NUBPL: variants seen among roughly 807,000 people sequenced by gnomAD.
NUBPL encodes iron-sulfur cluster transfer protein NUBPL.
Under a neutral mutation model 45.7 loss-of-function variants are expected in NUBPL, and 31 were observed. The ratio of observed to expected loss-of-function variants is 0.68; its 90% confidence interval spans 0.51 to 0.92. NUBPL has a LOEUF of 0.92. Among genes scored for constraint, NUBPL ranks in the 40% least tolerant of loss-of-function variants. The pLI is 0.00. For synonymous variants in NUBPL, 144 were observed against 140.9 expected (o/e 1.02, Z -0.15); for missense variants, 401 against 398.7 (o/e 1.01, Z -0.05).
At chr14:31,694,704 C>T (rs963358280) in intron 6 of NUBPL, among the ~76,000 whole-genome samples, 4 of 152,044 alleles carry the variant, frequency 2.6e-5, no homozygotes, top group East Asian at 3.9e-4. Context: ...TTAGTAGAGA[C>T]GGGGTTTCAC....
At chr14:31,710,725 G>A (rs931379169) in intron 6 of NUBPL, among the ~76,000 whole-genome samples, 1 of 152,216 alleles carries the variant, frequency 6.6e-6, no homozygotes, top group Non-Finnish European at 1.5e-5. Context: ...AGGGTTGGAA[G>A]AGTGACACCT....
intron 7 of NUBPL, among the ~76,000 whole-genome samples, chr14:31,803,483 A>G (rs530473415): frequency 1.3e-5 from 2 of 152,288 alleles, no homozygotes; most frequent in South Asian, 4.1e-4. Context: ...TCTAAAAATA[A>G]CTTTGCACCT....
At chr14:31,809,066 G>A (rs2039748279) in intron 7 of NUBPL, among the ~76,000 whole-genome samples, 1 of 135,164 alleles carries the variant, frequency 7.4e-6, no homozygotes, top group South Asian at 2.6e-4. Context: ...AGGGATATTG[G>A]TCTAAAATTC....
intron 6 of NUBPL, among the ~76,000 whole-genome samples, chr14:31,693,920 A>T (rs924878906): frequency 7.8e-6 from 1 of 128,382 alleles, no homozygotes; most frequent in South Asian, 2.5e-4. Context: ...CAGTGGCGTG[A>T]TCTGGGCTCA....
At chr14:31,670,863 T>G (rs2139804007) in intron 4 of NUBPL, among the ~76,000 whole-genome samples, 1 of 152,350 alleles carries the variant, frequency 6.6e-6, no homozygotes, top group Non-Finnish European at 1.5e-5. Flanking sequence ...CATGCTGTTT[T>G]GGTTACGGTA....
chr14:31,563,156 G>T (rs113203028), intron 2 of NUBPL, among the ~76,000 whole-genome samples: 4 of 152,058 alleles, frequency 2.6e-5, no homozygotes, highest in Admixed American at 2.6e-4. Context: ...AAATTTAGAA[G>T]CTCTTAGTTT....
rs536474290 is a variant in NUBPL, at chr14:31,645,709, C to G, written c.383-27646C>G. Among the ~76,000 whole-genome samples the G allele has an allele frequency of 2.6e-5, 4 of 151,328 alleles. No homozygotes were observed. The South Asian group carries it at 6.3e-4, about 24-fold the overall frequency. On this transcript the variant is annotated intron_variant, in intron 4 of 10. Transcript: ENST00000281081. ...AGCTATTTTAGTGAGAGATTACAAC[C>G]TGGGTCAGATCACAAAGAAATAATA... is the stretch of plus-strand genomic sequence containing the variant.
At chr14:31,834,072 T>C (rs1392191618) in intron 8 of NUBPL, among the ~76,000 whole-genome samples, 2 of 152,088 alleles carry the variant, frequency 1.3e-5, no homozygotes, top group African/African-American at 4.8e-5. Flanking sequence ...TATTTTACTC[T>C]TACAAATATT....
At chr14:31,588,361 C>A (rs1048329850) in intron 3 of NUBPL, among the ~76,000 whole-genome samples, 1 of 152,116 alleles carries the variant, frequency 6.6e-6, no homozygotes, top group South Asian at 2.1e-4. Context: ...TTAAGTTTCA[C>A]AAATTTGCAG....
At chr14:31,706,345 A>T (rs1279241850) in intron 6 of NUBPL, among the ~76,000 whole-genome samples, 2 of 152,148 alleles carry the variant, frequency 1.3e-5, no homozygotes, top group Non-Finnish European at 2.9e-5. Flanking sequence ...AGTTGAGCTC[A>T]TTTGGGGTTC....
At chr14:31,678,243 C>G (rs2036747567) in intron 6 of NUBPL, among the ~76,000 whole-genome samples, 1 of 152,288 alleles carries the variant, frequency 6.6e-6, no homozygotes, top group Non-Finnish European at 1.5e-5. Flanking sequence ...AAATGCCATC[C>G]AAGAGCCAAG....
chr14:31,818,770 G>A (rs886149744), intron 7 of NUBPL, among the ~76,000 whole-genome samples: 2 of 152,242 alleles, frequency 1.3e-5, no homozygotes, highest in East Asian at 1.9e-4. Context: ...GGATGGTCTC[G>A]ATCTCCTGAC....
intron 6 of NUBPL, among the ~76,000 whole-genome samples, chr14:31,701,461 G>A (rs2037337182): frequency 6.6e-6 from 1 of 152,222 alleles, no homozygotes; most frequent in Admixed American, 6.5e-5. Flanking sequence ...AGCCAGCAGC[G>A]GCAACCCACT....
intron 4 of NUBPL, among the ~76,000 whole-genome samples, chr14:31,672,654 C>A (rs541764211): frequency 1.3e-5 from 2 of 152,076 alleles, no homozygotes; most frequent in South Asian, 4.2e-4. Context: ...GTAGAGACAG[C>A]ATTTTACCAT....
intron 6 of NUBPL, among the ~76,000 whole-genome samples, chr14:31,766,367 G>T (rs769452788): frequency 1.3e-5 from 2 of 152,236 alleles, no homozygotes; most frequent in East Asian, 3.9e-4. Context: ...AGCAGCCTCC[G>T]GTTGGAAGGC....
chr14:31,564,294 C>G (rs1242820104), intron 2 of NUBPL, among the ~76,000 whole-genome samples: 1 of 152,092 alleles, frequency 6.6e-6, no homozygotes, highest in Admixed American at 6.5e-5. Flanking sequence ...TTACCTTTTA[C>G]CCTTTTCCCT....
chr14:31,617,708 G>A (rs1277335691), intron 4 of NUBPL, among the ~76,000 whole-genome samples: 1 of 152,178 alleles, frequency 6.6e-6, no homozygotes, highest in African/African-American at 2.4e-5. Flanking sequence ...TCACATCGAT[G>A]TTCATCGGGG....
chr14:31,805,011 G>A (rs145500918), intron 7 of NUBPL, among the ~76,000 whole-genome samples: 5,798 of 152,078 alleles, frequency 0.038, 150 homozygotes, highest in Admixed American at 0.063. Context: ...CTACAGAATG[G>A]GAGAAAATAT....
At chr14:31,798,163 T>C (rs943969024) in intron 7 of NUBPL, among the ~76,000 whole-genome samples, 1 of 152,186 alleles carries the variant, frequency 6.6e-6, no homozygotes, top group Non-Finnish European at 1.5e-5. Context: ...TTCATTCCTA[T>C]GAGTGCCTCA....
Sources: allele counts gnomAD v4.1 joint callset (sites outside exome capture counted in the v4.1 genomes callset), GRCh38; gene constraint gnomAD v4.1.1; transcripts MANE v1.5; gene names NCBI Gene and HGNC (gene_info 2026-07-23, HGNC 2026-07-21).